ERG: variants seen among roughly 807,000 people sequenced by gnomAD.
ERG encodes transcriptional regulator ERG.
Under a neutral mutation model 55.3 loss-of-function variants are expected in ERG, and 9 were observed. The observed-to-expected ratio is 0.16, with a 90% CI of 0.10 to 0.28. ERG has a LOEUF of 0.28. Ranked by LOEUF, ERG falls within the 10% of genes least tolerant of loss-of-function variation. ERG has a pLI of 1.00. For synonymous variants in ERG, 223 were observed against 237.3 expected (o/e 0.94, Z 0.55); for missense variants, 434 against 631.6 (o/e 0.69, Z 3.35).
chr21:38,581,487 T>C (rs1456799267), intron 1 of ERG, among the ~76,000 whole-genome samples: 2 of 152,120 alleles, frequency 1.3e-5, no homozygotes, highest in African/African-American at 4.8e-5. Flanking sequence ...AGGCAGCAGG[T>C]TGGTGAGTCC....
chr21:38,402,209 C>T (rs1033151558), intron 5 of ERG, among the ~76,000 whole-genome samples: 1 of 152,086 alleles, frequency 6.6e-6, no homozygotes, highest in African/African-American at 2.4e-5. Flanking sequence ...ATCGAACATG[C>T]TTTTAGTGTC....
chr21:38,403,365 G>A (rs1405724210), intron 4 of ERG, 141 bp downstream of exon 4: 18 of 763,956 alleles, frequency 2.4e-5, no homozygotes, highest in South Asian at 3.3e-5. Flanking sequence ...CACATACCAA[G>A]CATGTGGCTC....
At chr21:38,472,063 T>C (rs1403762330) in intron 1 of ERG, 1 of 152,160 alleles carries the variant, frequency 6.6e-6, no homozygotes, top group African/African-American at 2.4e-5. Flanking sequence ...TGCGGGCATT[T>C]GTTGATTTGA....
chr21:38,454,123 C>T (rs1010562712), intron 1 of ERG, among the ~76,000 whole-genome samples: 7 of 152,186 alleles, frequency 4.6e-5, no homozygotes, highest in African/African-American at 1.2e-4. Flanking sequence ...ACGTTACTCA[C>T]GAATATTCAT....
upstream of ERG, among the ~76,000 whole-genome samples, chr21:38,585,532 CTTTTTT>C (rs760791568): frequency 4.0e-4 from 24 of 59,280 alleles, no homozygotes; most frequent in East Asian, 1.9e-3. Context: ...TCTCTCTCTT[CTTTTTT>C]TTTTTTTTTT....
At chr21:38,455,822 G>T (rs1044173904) in intron 1 of ERG, among the ~76,000 whole-genome samples, 2 of 151,874 alleles carry the variant, frequency 1.3e-5, no homozygotes, top group African/African-American at 4.8e-5. Context: ...GGGGTGAGGG[G>T]GTGGGGGTGT....
At chr21:38,435,111 T>C (rs75743376) in intron 2 of ERG, among the ~76,000 whole-genome samples, 4,589 of 152,278 alleles carry the variant, frequency 0.03, 173 homozygotes, top group East Asian at 0.1. Context: ...GGGTCAGTTC[T>C]GCGAGAGAAC....
chr21:38,567,895 C>T (rs2059932934), intron 2 of ERG, among the ~76,000 whole-genome samples: 1 of 152,208 alleles, frequency 6.6e-6, no homozygotes, highest in Non-Finnish European at 1.5e-5. Context: ...ACAGTGACCT[C>T]GCACAGAACG....
intron 2 of ERG, among the ~76,000 whole-genome samples, chr21:38,505,174 A>G (rs1163482759): frequency 6.6e-6 from 1 of 152,210 alleles, no homozygotes; most frequent in Non-Finnish European, 1.5e-5. Flanking sequence ...TTTGCCACAA[A>G]TTCATTTATA....
the ERG span, among the ~76,000 whole-genome samples, chr21:38,368,876 T>C: frequency 6.6e-6 from 1 of 152,214 alleles, no homozygotes; most frequent in South Asian, 2.1e-4. Flanking sequence ...TATTTGGTTT[T>C]CTGTTCCTGT....
At chr21:38,475,120 G>A (rs180996195) in intron 1 of ERG, among the ~76,000 whole-genome samples, 90 of 152,240 alleles carry the variant, frequency 5.9e-4, no homozygotes, top group African/African-American at 2.1e-3. Context: ...GCCCATAAAC[G>A]CGGAACATAA....
At chr21:38,369,855 G>C in the ERG span, among the ~76,000 whole-genome samples, 2 of 152,076 alleles carry the variant, frequency 1.3e-5, no homozygotes, top group African/African-American at 4.8e-5. Context: ...ACTTATCCTA[G>C]CACCATTTAT....
chr21:38,549,609 G>C (rs1402490288), intron 2 of ERG, among the ~76,000 whole-genome samples: 1 of 152,156 alleles, frequency 6.6e-6, no homozygotes, highest in East Asian at 1.9e-4. Flanking sequence ...CATGGGAGCT[G>C]AGTCTTTTGA....
intron 1 of ERG, among the ~76,000 whole-genome samples, chr21:38,494,807 G>T (rs549456477): frequency 3.0e-4 from 45 of 152,340 alleles, no homozygotes; most frequent in South Asian, 6.2e-4. Flanking sequence ...AGGGTGCCTG[G>T]CATGCATGGG....
At chr21:38,564,206 G>C (rs80257849) in intron 2 of ERG, among the ~76,000 whole-genome samples, 4,629 of 152,062 alleles carry the variant, frequency 0.03, 264 homozygotes, top group African/African-American at 0.11. Flanking sequence ...TGACTTTGTC[G>C]GTGGGTTTTA....
intron 9 of ERG, among the ~76,000 whole-genome samples, chr21:38,384,282 G>C (rs1569054577): frequency 6.6e-6 from 1 of 152,216 alleles, no homozygotes; most frequent in Non-Finnish European, 1.5e-5. Flanking sequence ...ACAGCGTCCA[G>C]CTGCAAGGAG....
chr21:38,604,443 T>C (rs2836562), intron 1 of ERG, among the ~76,000 whole-genome samples: 10,869 of 152,172 alleles, frequency 0.071, 694 homozygotes, highest in African/African-American at 0.17. Flanking sequence ...AAAATGAAGA[T>C]AGTTACACAA....
the ERG span, among the ~76,000 whole-genome samples, chr21:38,370,817 A>G: frequency 6.6e-6 from 1 of 152,046 alleles, no homozygotes; most frequent in Non-Finnish European, 1.5e-5. Context: ...AATTACAATA[A>G]CTTTATAATA....
At chr21:38,626,935 A>C (rs1398652984) in intron 1 of ERG, among the ~76,000 whole-genome samples, 1 of 152,206 alleles carries the variant, frequency 6.6e-6, no homozygotes, top group Non-Finnish European at 1.5e-5. Flanking sequence ...TCATATACAA[A>C]TTTTTATAGT....
Sources: allele counts gnomAD v4.1 joint callset (sites outside exome capture counted in the v4.1 genomes callset), GRCh38; gene constraint gnomAD v4.1.1; transcripts MANE v1.5; gene names NCBI Gene and HGNC (gene_info 2026-07-23, HGNC 2026-07-21).